MCTP1: variants seen among roughly 807,000 people sequenced by gnomAD.
MCTP1 encodes the protein multiple C2 and transmembrane domain-containing protein 1.
A neutral mutation model predicts 120.6 loss-of-function variants in MCTP1; 69 were observed. That is an observed-to-expected ratio of 0.57 (90% CI 0.47 to 0.70). MCTP1 has a LOEUF of 0.70. Among genes scored for constraint, MCTP1 ranks in the 30% least tolerant of loss-of-function variants. The pLI is 0.00. For synonymous variants in MCTP1, 529 were observed against 493.1 expected, an observed-to-expected ratio of 1.07 and a Z score of -0.96; for missense variants, 1,203 against 1,248.8, an observed-to-expected ratio of 0.96 and a Z score of 0.55.
chr5:94,940,240 A>G (rs1465760996), intron 4 of MCTP1, 45 bp from the exon 5 acceptor site: 3 of 1,104,242 alleles, frequency 2.7e-6, no homozygotes, highest in Non-Finnish European at 4.0e-6. Context: ...TTAAATGAAT[A>G]AGCCAAATAT....
chr5:95,034,137 G>A (rs968994903), intron 1 of MCTP1, among the ~76,000 whole-genome samples: 10 of 151,940 alleles, frequency 6.6e-5, no homozygotes, highest in African/African-American at 2.4e-4. Context: ...TCATTAAAAT[G>A]ACCATACTGC....
chr5:94,883,120 T>C (rs920823170), intron 12 of MCTP1, among the ~76,000 whole-genome samples: 6 of 152,348 alleles, frequency 3.9e-5, no homozygotes, highest in African/African-American at 1.2e-4. Context: ...AATGATTTGC[T>C]TTCTTTCCCT....
At chr5:95,144,643 C>T (rs528759754) in intron 1 of MCTP1, among the ~76,000 whole-genome samples, 11 of 152,260 alleles carry the variant, frequency 7.2e-5, no homozygotes, top group East Asian at 1.9e-4. Flanking sequence ...GTTATCCCAA[C>T]GCCATTTATT....
chr5:94,988,616 T>G (rs79868969), intron 2 of MCTP1, among the ~76,000 whole-genome samples: 1 of 149,574 alleles, frequency 6.7e-6, no homozygotes. Context: ...TTTTTTTTTT[T>G]GGTACTTCAC....
intron 1 of MCTP1, among the ~76,000 whole-genome samples, chr5:95,246,462 T>A (rs113657613): frequency 8.2e-4 from 124 of 151,694 alleles, no homozygotes; most frequent in African/African-American, 2.9e-3. Flanking sequence ...GAGGAAGATA[T>A]ACCAAGCAAA....
chr5:95,030,269 A>G (rs1016107050), intron 1 of MCTP1, among the ~76,000 whole-genome samples: 3 of 152,166 alleles, frequency 2.0e-5, no homozygotes, highest in Non-Finnish European at 4.4e-5. Flanking sequence ...GTACCACAAC[A>G]CAATCTCTTC....
At chr5:95,112,690 A>C (rs148129808) in intron 1 of MCTP1, among the ~76,000 whole-genome samples, 11 of 152,338 alleles carry the variant, frequency 7.2e-5, no homozygotes, top group African/African-American at 2.2e-4. Context: ...AAACATTGCC[A>C]ATTAATTGTA....
chr5:95,028,880 G>T (rs963646687), intron 1 of MCTP1, among the ~76,000 whole-genome samples: 1 of 152,176 alleles, frequency 6.6e-6, no homozygotes, highest in African/African-American at 2.4e-5. Context: ...AAAATATGTA[G>T]GCCGGGCACG....
At chr5:94,722,777 G>A (rs1761204486) in intron 19 of MCTP1, among the ~76,000 whole-genome samples, 1 of 152,166 alleles carries the variant, frequency 6.6e-6, no homozygotes, top group South Asian at 2.1e-4. Context: ...ATTTATTATA[G>A]TTTACCATTG....
chr5:94,947,577 T>TATATATAGAGAGAGAGAGAGAG, intron 3 of MCTP1, among the ~76,000 whole-genome samples: 1 of 47,396 alleles, frequency 2.1e-5, no homozygotes. Flanking sequence ...TATATATATA[T>TATATATAGAGAGAGAGAGAGAG]AGAGAGAGAG....
At position 95,031,312 on chromosome 5, in the gene MCTP1, C is replaced by T. The variant is rs141155859; in HGVS notation, c.721-13828G>A. ...TGCAAAACACTATACAAGATAACCACCCCCAAGACATAGAGTCGTCTGATT... is the reference window on the plus strand; with the variant it reads ...TGCAAAACACTATACAAGATAACCATCCCCAAGACATAGAGTCGTCTGATT... On this transcript the variant is annotated intron_variant, in intron 1 of 22. Transcript: ENST00000515393. 7.9e-5 allele frequency among the ~76,000 whole-genome samples: 12 copies of T among 152,038 alleles called. No individual in the cohort carries two copies. The East Asian group carries it at 2.3e-3, about 29-fold the overall frequency.
intron 17 of MCTP1, among the ~76,000 whole-genome samples, chr5:94,819,422 T>C (rs1047680566): frequency 2.0e-5 from 3 of 152,120 alleles, no homozygotes; most frequent in Non-Finnish European, 4.4e-5. Flanking sequence ...TGAGCCACCA[T>C]GCCTGGCCTA....
At chr5:95,224,070 C>T (rs1205439165) in intron 1 of MCTP1, among the ~76,000 whole-genome samples, 1 of 152,196 alleles carries the variant, frequency 6.6e-6, no homozygotes, top group Non-Finnish European at 1.5e-5. Flanking sequence ...AGGGGAAACT[C>T]CAATCCCTAG....
Position 94,707,168 on chromosome 5 carries a change from A to G in MCTP1, c.*328T>C. 1 of 195,564 alleles carries G rather than the reference A, an allele frequency of 5.1e-6. No homozygotes were observed. The highest frequency in any genetic ancestry group is 1.0e-5 in the Non-Finnish European group (1 of 97,170). The allele number at this position is 195,564 out of a possible 1,614,324, so 12.1% of individuals were successfully genotyped here. On this transcript the variant is annotated 3_prime_UTR_variant, in exon 23 of 23. Transcript: ENST00000515393. The stretch of plus-strand genomic sequence containing the variant: ...ATTGATGTAGATTTAATCAGAGCAC[A>G]GGTGAGTATTTAATCCACTAGTAAT...
chr5:95,252,857 A>G lies in MCTP1; in HGVS notation c.720+30999T>C, dbSNP rs540689855. On this transcript the variant is annotated intron_variant, in intron 1 of 22. Transcript: ENST00000515393. ...AGGGCAGAGCAAGCTAAAATCATAT[A>G]TATTTGGCCCCATACTGTCAATGGA... Among the ~76,000 whole-genome samples the G allele has an allele frequency of 7.7e-4, 117 of 152,262 alleles. 1 individual carries two copies. The South Asian group carries it at 8.1e-3, about 11-fold the overall frequency.
chr5:94,749,091 T>C (rs992199970), intron 19 of MCTP1, among the ~76,000 whole-genome samples: 2 of 152,246 alleles, frequency 1.3e-5, no homozygotes, highest in African/African-American at 2.4e-5. Context: ...CTATGTCTTA[T>C]TAGGTTATAT....
chr5:95,072,739 T>TG (rs1377234857), intron 1 of MCTP1, among the ~76,000 whole-genome samples: 2 of 102,026 alleles, frequency 2.0e-5, no homozygotes, highest in African/African-American at 7.1e-5. Context: ...GCTTAGCAAC[T>TG]ATTTTTTTTT....
In MCTP1 at chr5:95,051,446, G is replaced by C. The variant is rs1255439146; in HGVS notation, c.721-33962C>G. Among the ~76,000 whole-genome samples, 6 of 152,222 alleles carry C rather than the reference G, an allele frequency of 3.9e-5. No homozygotes were observed. The South Asian group carries it at 1.2e-3, about 32-fold the overall frequency. On this transcript the variant is annotated intron_variant, in intron 1 of 22. Coordinates refer to ENST00000515393, the MANE Select transcript of MCTP1 (RefSeq NM_024717.7). ...CACCCAGATCTGTGACAGTGATTCTGTCTACCTGCTGAGATGATCACCTAC... is the reference window on the plus strand; with the variant it reads ...CACCCAGATCTGTGACAGTGATTCTCTCTACCTGCTGAGATGATCACCTAC...
chr5:95,187,100 G>T (rs1363121738), intron 1 of MCTP1, among the ~76,000 whole-genome samples: 1 of 152,154 alleles, frequency 6.6e-6, no homozygotes, highest in African/African-American at 2.4e-5. Flanking sequence ...TAACTGCTGG[G>T]TATATACCCA....
Sources: allele counts gnomAD v4.1 joint callset (sites outside exome capture counted in the v4.1 genomes callset), GRCh38; gene constraint gnomAD v4.1.1; transcripts MANE v1.5; gene names NCBI Gene and HGNC (gene_info 2026-07-23, HGNC 2026-07-21).